GPHN: variants seen among roughly 807,000 people sequenced by gnomAD.
GPHN encodes the protein gephyrin.
A neutral mutation model predicts 95.5 loss-of-function variants in GPHN; 17 were observed. The observed-to-expected ratio is 0.18, with a 90% CI of 0.12 to 0.27. GPHN has a LOEUF of 0.27. Ranked by LOEUF, GPHN falls within the 10% of genes least tolerant of loss-of-function variation. The pLI, the probability that GPHN is intolerant of heterozygous loss-of-function variation, is 1.00. For synonymous variants in GPHN, 320 were observed against 322.5 expected (o/e 0.99, Z 0.08); for missense variants, 660 against 978.1 (o/e 0.67, Z 4.34).
chr14:67,024,831 T>TA (rs965100968), intron 10 of GPHN, among the ~76,000 whole-genome samples: 5 of 152,058 alleles, frequency 3.3e-5, no homozygotes, highest in African/African-American at 9.7e-5. Flanking sequence ...TATTTCACAA[T>TA]AAAAAAATAG....
chr14:66,965,240 C>T lies in GPHN; in HGVS notation c.878C>T (p.Thr293Ile). 2 of 1,610,366 alleles carry T rather than the reference C, an allele frequency of 1.2e-6. No homozygotes were observed. Among genetic ancestry groups the T allele is most frequent in the Non-Finnish European group, 1.7e-6 (2 of 1,176,580 alleles). The change falls in exon 9 of 23, where the codon ACA becomes ATA. Residue 293 changes from threonine (T) to isoleucine (I), a missense_variant. Around this residue, in one of 6 missense-constraint regions of GPHN, gnomAD observed 190 missense variants for 224.7 expected, o/e 0.85. Transcript: ENST00000478722. ...SRGVQVLPRD[T>I]ASLSTTPSES... Reference sequence around the variant, plus strand: ...GGTGTTCAGGTGCTCCCACGAGACACAGCCTCCCTCAGCACTACTCCTTCA... The same window carrying T: ...GGTGTTCAGGTGCTCCCACGAGACATAGCCTCCCTCAGCACTACTCCTTCA...
In GPHN at chr14:67,070,715, A is replaced by AAAAAAAAAAAAATATATATATAT; in HGVS notation, c.1144+11930_1144+11931insAAAAAAAAAAATATATATATATA. ...ATCTCAAAAAAAAAAAAAAAAAAAAAATATATATATATATCCAATCAGCAT... is the reference window on the plus strand; with the variant it reads ...ATCTCAAAAAAAAAAAAAAAAAAAAAAAAAAAAAAAAATATATATATATATATATATATATATCCAATCAGCAT... On this transcript the variant is annotated intron_variant, in intron 11 of 22. Transcript: ENST00000478722. Among the ~76,000 whole-genome samples the AAAAAAAAAAAAATATATATATAT allele has an allele frequency of 2.8e-3, 223 of 80,436 alleles. 3 individuals carry two copies. The highest frequency in any genetic ancestry group is 0.011 in the Middle Eastern group (2 of 176). 52.8% of individuals were successfully genotyped at this position (80,436 alleles called of 152,430 possible).
chr14:66,524,328 G>T (rs2139846295), intron 1 of GPHN, among the ~76,000 whole-genome samples: 1 of 152,124 alleles, frequency 6.6e-6, no homozygotes, highest in East Asian at 1.9e-4. Flanking sequence ...GACCTTATAT[G>T]TTTGAGGTTA....
intron 9 of GPHN, among the ~76,000 whole-genome samples, chr14:67,015,699 G>GA (rs940798809): frequency 1.3e-5 from 2 of 151,364 alleles, no homozygotes; most frequent in African/African-American, 2.4e-5. Context: ...CCATTTCGGG[G>GA]AAAAAAAATA....
At chr14:66,588,384 ATTAG>A (rs1473174024) in intron 1 of GPHN, among the ~76,000 whole-genome samples, 1 of 152,184 alleles carries the variant, frequency 6.6e-6, no homozygotes, top group Non-Finnish European at 1.5e-5. Context: ...TGGAATGAGA[ATTAG>A]TTTGATGAAT....
the GPHN span, among the ~76,000 whole-genome samples, chr14:67,624,761 G>T: frequency 6.6e-6 from 1 of 152,212 alleles, no homozygotes; most frequent in Non-Finnish European, 1.5e-5. Context: ...TGGCAAAAAT[G>T]ATCAGAATCA....
At chr14:66,978,118 C>G (rs1308032370) in intron 9 of GPHN, among the ~76,000 whole-genome samples, 2 of 152,166 alleles carry the variant, frequency 1.3e-5, no homozygotes, top group East Asian at 3.8e-4. Context: ...ATACGTTAGT[C>G]CTAAACCGTT....
chr14:66,954,398 T>C (rs1177687984), intron 8 of GPHN, among the ~76,000 whole-genome samples: 1 of 152,234 alleles, frequency 6.6e-6, no homozygotes, highest in Non-Finnish European at 1.5e-5. Flanking sequence ...CTATTGTAAA[T>C]GGACTTGTTT....
the GPHN span, among the ~76,000 whole-genome samples, chr14:67,464,505 C>T: frequency 6.6e-6 from 1 of 152,144 alleles, no homozygotes; most frequent in East Asian, 1.9e-4. Flanking sequence ...TGTACTCCTC[C>T]TCACCCTCGC....
At chr14:67,467,616 C>G in the GPHN span, 5 of 152,160 alleles carry the variant, frequency 3.3e-5, no homozygotes, top group Admixed American at 2.6e-4. Flanking sequence ...AACTCCCTCT[C>G]TCTCCCTTCC....
chr14:66,953,389 A>C (rs1051240301), intron 8 of GPHN, among the ~76,000 whole-genome samples: 45 of 152,042 alleles, frequency 3.0e-4, no homozygotes, highest in African/African-American at 1.0e-3. Flanking sequence ...CATATCTAAA[A>C]ATCCATCACC....
intron 2 of GPHN, among the ~76,000 whole-genome samples, chr14:66,745,385 A>G (rs2058100228): frequency 6.6e-6 from 1 of 152,052 alleles, no homozygotes; most frequent in Non-Finnish European, 1.5e-5. Context: ...AATTAAGGAC[A>G]TTGTTCACCG....
At chr14:67,692,769 G>T in the GPHN span, 2 of 866,638 alleles carry the variant, frequency 2.3e-6, no homozygotes, top group South Asian at 1.8e-5. Flanking sequence ...TTCATTAAGG[G>T]TCCATTATAT....
chr14:67,105,270 A>C (rs967276408), intron 13 of GPHN, among the ~76,000 whole-genome samples: 2 of 152,010 alleles, frequency 1.3e-5, no homozygotes, highest in African/African-American at 4.8e-5. Flanking sequence ...TATCTGGAGA[A>C]TGTTCCATGT....
intron 2 of GPHN, among the ~76,000 whole-genome samples, chr14:66,695,541 A>C (rs1351412927): frequency 6.6e-6 from 1 of 152,238 alleles, no homozygotes; most frequent in Admixed American, 6.5e-5. Flanking sequence ...ATGTACATCC[A>C]CACAAAAATC....
chr14:67,320,304 A>G, the GPHN span: 6 of 1,613,898 alleles, frequency 3.7e-6, no homozygotes, highest in East Asian at 4.5e-5. Flanking sequence ...GAAGAGACCT[A>G]TCATCTTGAT....
intron 2 of GPHN, among the ~76,000 whole-genome samples, chr14:66,688,238 A>G (rs1318278912): frequency 6.6e-6 from 1 of 152,204 alleles, no homozygotes; most frequent in Non-Finnish European, 1.5e-5. Flanking sequence ...TCATCTTCAC[A>G]TTGAATAGGC....
the GPHN span, chr14:67,320,481 A>G: frequency 7.8e-7 from 1 of 1,277,472 alleles, no homozygotes; most frequent in African/African-American, 1.5e-5. Flanking sequence ...GAAATTTTTT[A>G]TTCATTTCAT....
the GPHN span, among the ~76,000 whole-genome samples, chr14:67,410,475 G>T: frequency 0.08 from 12,131 of 151,974 alleles, 1,269 homozygotes; most frequent in East Asian, 0.42. Context: ...TCCACATGCT[G>T]CGAGAAACCG....
Sources: allele counts gnomAD v4.1 joint callset (sites outside exome capture counted in the v4.1 genomes callset), GRCh38; gene constraint gnomAD v4.1.1; regional missense constraint gnomAD v4.1.1; transcripts MANE v1.5; gene names NCBI Gene and HGNC (gene_info 2026-07-23, HGNC 2026-07-21).